Variants in MYT1L observed in about 807,000 individuals in gnomAD.
MYT1L encodes the protein myelin transcription factor 1 like, also known as myelin transcription factor 1-like protein.
Under a neutral mutation model 126.7 loss-of-function variants are expected in MYT1L, and 12 were observed. The ratio of observed to expected loss-of-function variants is 0.09; its 90% CI spans 0.06 to 0.15. The LOEUF (loss-of-function observed/expected upper bound fraction) is 0.15, where lower values mean the gene tolerates loss of function less well. Among genes scored for constraint, MYT1L ranks in the 10% least tolerant of loss-of-function variants. MYT1L has a pLI of 1.00. For missense variants in MYT1L, 979 were observed against 1,585.2 expected, an observed-to-expected ratio of 0.62 and a Z score of 6.49; for synonymous variants, 541 against 604.2, an observed-to-expected ratio of 0.90 and a Z score of 1.53.
rs2058378890 is a variant in MYT1L, at chr2:1,956,297, ATCCTATTCTATATTTCCTATTCTATGTG to A, written c.153-12991_153-12964del. ...CTATCTACCTATCTATCATCTATCT[ATCCTATTCTATATTTCCTATTCTATGTG>A]TCCTATTCTATATTTCCTATTCTAT... is the stretch of plus-strand genomic sequence containing the variant. On this transcript the variant is annotated intron_variant, in intron 8 of 24. Transcript: ENST00000647738. 2.2e-5 allele frequency among the ~76,000 whole-genome samples: 3 copies of A among 136,296 alleles called. 1 individual carries two copies. The highest frequency in any genetic ancestry group is 5.9e-5 in the African/African-American group (2 of 33,734). 89.4% of individuals were successfully genotyped at this position (136,296 alleles called of 152,430 possible).
intron 5 of MYT1L, among the ~76,000 whole-genome samples, chr2:1,981,327 C>G: frequency 6.6e-6 from 1 of 152,048 alleles, no homozygotes; most frequent in East Asian, 1.9e-4. Flanking sequence ...AGATTTAATA[C>G]CAAAACAAAA....
intron 2 of MYT1L, among the ~76,000 whole-genome samples, chr2:2,185,468 TC>T (rs1237067587): frequency 7.8e-6 from 1 of 127,698 alleles, no homozygotes; most frequent in African/African-American, 3.4e-5. Flanking sequence ...AGTCCCGCGT[TC>T]CTTCTGTGAG....
intron 19 of MYT1L, among the ~76,000 whole-genome samples, chr2:1,846,715 C>T (rs1335655785): frequency 6.6e-6 from 1 of 152,230 alleles, no homozygotes; most frequent in Non-Finnish European, 1.5e-5. Context: ...CTCACTGACC[C>T]TCTGGCGAAA....
chr2:1,840,201 A>T (rs1386687527), intron 20 of MYT1L, among the ~76,000 whole-genome samples: 1 of 151,806 alleles, frequency 6.6e-6, no homozygotes, highest in Admixed American at 6.6e-5. Flanking sequence ...TTTTCTGGGG[A>T]TGTGAAGTGA....
intron 2 of MYT1L, among the ~76,000 whole-genome samples, chr2:2,245,715 C>G (rs1572803838): frequency 6.6e-6 from 1 of 152,240 alleles, no homozygotes; most frequent in East Asian, 2.0e-4. Flanking sequence ...GCACCATCCA[C>G]TCTCAGTCAG....
In MYT1L at chr2:1,813,996, C is replaced by T. The variant is rs1365961900; in HGVS notation, c.3081-4829G>A. Among the ~76,000 whole-genome samples the T allele has an allele frequency of 5.2e-5, 7 of 135,842 alleles. No homozygotes were observed. The East Asian group carries it at 6.6e-4, about 13-fold the overall frequency. 89.1% of individuals were successfully genotyped at this position (135,842 alleles called of 152,430 possible). A position where few individuals can be genotyped will look rare whatever the true frequency, so the allele number is the denominator to read the frequency against. ...GAGCCGAGATCGCGCCACTGCACTC[C>T]AGCCTGGGCGACAGAGCGAGACTCC... On this transcript the variant is annotated intron_variant, in intron 21 of 24. Coordinates refer to ENST00000647738, the MANE Select transcript of MYT1L (RefSeq NM_001303052.2).
chr2:1,893,984 G>T (rs1010529366), intron 14 of MYT1L, among the ~76,000 whole-genome samples: 1 of 152,198 alleles, frequency 6.6e-6, no homozygotes, highest in African/African-American at 2.4e-5. Flanking sequence ...TCTGCCAAAA[G>T]CTACAGAGAA....
At chr2:2,090,861 C>G (rs1228722827) in intron 3 of MYT1L, among the ~76,000 whole-genome samples, 1 of 152,226 alleles carries the variant, frequency 6.6e-6, no homozygotes, top group East Asian at 1.9e-4. Flanking sequence ...GATTCCGTCT[C>G]AAGAAACTAC....
intron 4 of MYT1L, among the ~76,000 whole-genome samples, chr2:2,015,658 C>A (rs905632920): frequency 6.6e-6 from 1 of 152,020 alleles, no homozygotes; most frequent in Admixed American, 6.5e-5. Flanking sequence ...TAGGGAAAAC[C>A]ACATGAGGAA....
At chr2:1,973,553 T>C (rs1412538334) in intron 8 of MYT1L, among the ~76,000 whole-genome samples, 4 of 152,224 alleles carry the variant, frequency 2.6e-5, no homozygotes, top group Admixed American at 1.3e-4. Flanking sequence ...TGCAGACATG[T>C]TGACATGCGA....
chr2:1,914,048 G>A (rs2052454269), intron 11 of MYT1L, among the ~76,000 whole-genome samples: 1 of 152,048 alleles, frequency 6.6e-6, no homozygotes, highest in African/African-American at 2.4e-5. Context: ...AAGGTCAGGA[G>A]TTCGAGACCA....
At chr2:1,945,549 A>T (rs1002167122) in intron 8 of MYT1L, among the ~76,000 whole-genome samples, 2 of 152,206 alleles carry the variant, frequency 1.3e-5, no homozygotes, top group Non-Finnish European at 2.9e-5. Context: ...TGCCCATGGC[A>T]GGTCTTGTTG....
chr2:1,993,927 A>C (rs1028086776), intron 5 of MYT1L, among the ~76,000 whole-genome samples: 17 of 152,134 alleles, frequency 1.1e-4, no homozygotes, highest in African/African-American at 3.1e-4. Flanking sequence ...TGTGATTCAT[A>C]TCCTTTGCCT....
At chr2:1,898,170 GA>G (rs1558319471) in intron 14 of MYT1L, among the ~76,000 whole-genome samples, 1 of 152,126 alleles carries the variant, frequency 6.6e-6, no homozygotes, top group African/African-American at 2.4e-5. Flanking sequence ...TTCTTGCAGA[GA>G]ATAGATAAAC....
intron 5 of MYT1L, among the ~76,000 whole-genome samples, chr2:1,992,243 T>A (rs1291766180): frequency 6.6e-6 from 1 of 152,222 alleles, no homozygotes; most frequent in South Asian, 2.1e-4. Context: ...AGTTCCTGAA[T>A]GTATGAGGTG....
chr2:2,242,790 T>A (rs73913273), intron 2 of MYT1L, among the ~76,000 whole-genome samples: 7 of 152,196 alleles, frequency 4.6e-5, no homozygotes, highest in Non-Finnish European at 1.0e-4. Context: ...AAGTCGAATA[T>A]GGCTAAGGAG....
At chr2:1,840,889 C>CAGTG in intron 19 of MYT1L, 46 bp from the exon 20 acceptor site, 1 of 1,089,432 alleles carries the variant, frequency 9.2e-7, no homozygotes, top group Non-Finnish European at 1.3e-6. Context: ...CCGTTGATTT[C>CAGTG]AGTGAGCTTT....
chr2:2,290,132 G>A (rs1442523182), intron 1 of MYT1L, among the ~76,000 whole-genome samples: 3 of 152,208 alleles, frequency 2.0e-5, no homozygotes, highest in Non-Finnish European at 2.9e-5. Flanking sequence ...GACATGGGCA[G>A]AGAAGCAGTA....
At chr2:2,004,399 AT>A (rs2062891000) in intron 4 of MYT1L, among the ~76,000 whole-genome samples, 4 of 130,236 alleles carry the variant, frequency 3.1e-5, no homozygotes, top group African/African-American at 1.0e-4. Context: ...TCTTTCCTGC[AT>A]GCGTTCTTTC....
Sources: allele counts gnomAD v4.1 joint callset (sites outside exome capture counted in the v4.1 genomes callset), GRCh38; gene constraint gnomAD v4.1.1; transcripts MANE v1.5; gene names NCBI Gene and HGNC (gene_info 2026-07-23, HGNC 2026-07-21).